The following MAP1B variants were observed in gnomAD, a reference collection of about 807,000 sequenced individuals.
MAP1B encodes the protein microtubule-associated protein 1B.
Under a neutral mutation model 176.1 loss-of-function variants are expected in MAP1B, and 12 were observed. That is an observed-to-expected ratio of 0.07 (90% CI 0.04 to 0.11). MAP1B has a LOEUF of 0.11. MAP1B is among the 10% of genes least tolerant of loss of function. The pLI, the probability that MAP1B is intolerant of heterozygous loss-of-function variation, is 1.00. For synonymous variants in MAP1B, 1,044 were observed against 1,135.0 expected, an observed-to-expected ratio of 0.92 and a Z score of 1.61; for missense variants, 2,523 against 2,990.5, an observed-to-expected ratio of 0.84 and a Z score of 3.65.
chr5:72,197,165 C>G lies in MAP1B; in HGVS notation c.3810C>G (p.Thr1270=), dbSNP rs79516161. 2.0e-5 allele frequency: 33 copies of G among 1,614,004 alleles called. 1 individual carries two copies. Among genetic ancestry groups the G allele is most frequent in the Non-Finnish European group, 2.5e-5 (29 of 1,180,002 alleles). Reference sequence around the variant, plus strand: ...CTCCACCATCACCCTTAGAAAAGACCCCCCTGGGTGAACGTAGTGTGAACT... The same window carrying G: ...CTCCACCATCACCCTTAGAAAAGACGCCCCTGGGTGAACGTAGTGTGAACT... ...SPSPPSPLEK[T]PLGERSVNFS... is the part of the protein sequence containing the mutation. The change falls in exon 5 of 7, where the codon ACC becomes ACG. Residue 1270 remains threonine (T), a synonymous_variant. Transcript: ENST00000296755.
At chr5:72,189,733 A>T (rs2112224111) in intron 4 of MAP1B, among the ~76,000 whole-genome samples, 1 of 152,190 alleles carries the variant, frequency 6.6e-6, no homozygotes, top group East Asian at 1.9e-4. Flanking sequence ...TAAAAAAATA[A>T]AATAAAAAGA....
At position 72,197,430 on chromosome 5, in the gene MAP1B, G is replaced by C; in HGVS notation, c.4075G>C (p.Val1359Leu). ...PTEVIEKPPA[V>L]PVSFEFSDAK... ...AGAAGTCATTGAAAAACCACCAGCA[G>C]TTCCAGTGAGTTTTGAATTCAGTGA... Residue 1359 changes from valine to leucine, a missense_variant, in exon 5 of 7, where the codon GTT (valine) becomes CTT (leucine). Physicochemically the swap from Val to Leu is conservative, Grantham distance 32. Around this residue, in one of 4 missense-constraint regions of MAP1B, gnomAD observed 1,925 missense variants for 2,126.0 expected, o/e 0.91. Coordinates refer to ENST00000296755, the MANE Select transcript of MAP1B (RefSeq NM_005909.5). 6.2e-7 allele frequency: 1 copy of C among 1,614,220 alleles called. No individual in the cohort carries two copies. Among genetic ancestry groups the C allele is most frequent in the Non-Finnish European group, 8.5e-7 (1 of 1,180,048 alleles).
intron 2 of MAP1B, among the ~76,000 whole-genome samples, chr5:72,155,582 C>T (rs1746213096): frequency 6.6e-6 from 1 of 152,172 alleles, no homozygotes; most frequent in African/African-American, 2.4e-5. Context: ...TGGAGCCTGT[C>T]TACACCATGT....
intron 3 of MAP1B, among the ~76,000 whole-genome samples, chr5:72,184,557 G>C (rs1175902030): frequency 6.6e-6 from 1 of 152,208 alleles, no homozygotes; most frequent in African/African-American, 2.4e-5. Context: ...ATATGAAACT[G>C]TTGCTATGGA....
At position 72,196,550 on chromosome 5, in the gene MAP1B, C is replaced by T. The variant is rs549714866; in HGVS notation, c.3195C>T (p.Leu1065=). Residue 1065 remains leucine, a synonymous_variant, in exon 5 of 7, where the codon CTC becomes CTT. Transcript: ENST00000296755. This position sits in a 1 kb window ranked among gnomAD's most constrained non-coding sequence, Gnocchi z 5.3. Reference sequence around the variant, plus strand: ...GTGCCGAGGAGCAGTATGGATTCCTCACCACACCAACCAAGCAACTAGGAG... The same window carrying T: ...GTGCCGAGGAGCAGTATGGATTCCTTACCACACCAACCAAGCAACTAGGAG... ...AGGAEEQYGF[L]TTPTKQLGAQ... The T allele has an allele frequency of 4.3e-6, 7 of 1,613,752 alleles. No homozygotes were observed. Among genetic ancestry groups the T allele is most frequent in the African/African-American group, 1.3e-5 (1 of 75,054 alleles).
At chr5:72,145,782 G>A (rs1325292374) in intron 2 of MAP1B, among the ~76,000 whole-genome samples, 1 of 152,178 alleles carries the variant, frequency 6.6e-6, no homozygotes, top group Non-Finnish European at 1.5e-5. Context: ...TCACTTGGAG[G>A]TTCTTGCTCT....
At chr5:72,193,209 AGG>A in intron 4 of MAP1B, 1 of 371,582 alleles carries the variant, frequency 2.7e-6, no homozygotes, top group Non-Finnish European at 5.3e-6. Flanking sequence ...TTGTAGTAAT[AGG>A]CAATCCGTAA....
intron 2 of MAP1B, among the ~76,000 whole-genome samples, chr5:72,163,930 CT>C (rs869167918): frequency 0.024 from 1,071 of 43,770 alleles, 6 homozygotes; most frequent in East Asian, 0.077. Flanking sequence ...TTTTTTTTTT[CT>C]TTTTTTTTTT....
At chr5:72,180,423 A>T (rs1379034272) in intron 2 of MAP1B, among the ~76,000 whole-genome samples, 3 of 152,196 alleles carry the variant, frequency 2.0e-5, no homozygotes, top group Admixed American at 1.3e-4. Flanking sequence ...AAGACCACTG[A>T]TGGAAAGACC....
chr5:72,116,049 C>T (rs1531314), intron 2 of MAP1B: 248,773 of 376,926 alleles, frequency 0.66, 82,876 homozygotes, highest in Middle Eastern at 0.72. Flanking sequence ...TATATATATA[C>T]ACACACACAC....
In MAP1B at chr5:72,206,792, T is replaced by C. The variant is rs527708657; in HGVS notation, c.*1553T>C. The stretch of plus-strand genomic sequence containing the variant: ...TCTGATATTGCAGTAATGATATTTA[T>C]TAAAAACCCATAACTACCAGGAATA... On this transcript the variant is annotated 3_prime_UTR_variant, in exon 7 of 7. Coordinates refer to ENST00000296755, the MANE Select transcript of MAP1B (RefSeq NM_005909.5). 5.5e-4 allele frequency: 84 copies of C among 152,252 alleles called. 1 individual carries two copies. The highest frequency in any genetic ancestry group is 1.9e-3 in the African/African-American group (78 of 41,530). 9.4% of individuals were successfully genotyped at this position (152,252 alleles called of 1,614,324 possible).
rs533883122 is a variant in MAP1B at position 72,186,020 on chromosome 5, C to A, written c.370-594C>A. Among the ~76,000 whole-genome samples the A allele has an allele frequency of 2.0e-5, 3 of 152,308 alleles. No homozygotes were observed. In the South Asian group the frequency reaches 6.2e-4, roughly 32 times the overall value. ...TCAAAGATTGCTATTTAGGGGCAGC[C>A]TTTTCTTTATATTCAATGTCAAGCA... is the stretch of plus-strand genomic sequence containing the variant. On this transcript the variant is annotated intron_variant, in intron 3 of 6. Coordinates refer to ENST00000296755, the MANE Select transcript of MAP1B (RefSeq NM_005909.5). The surrounding 1 kb of genome is among the most constrained non-coding windows in gnomAD (Gnocchi z 4.3).
At chr5:72,142,424 C>G (rs1292612776) in intron 2 of MAP1B, among the ~76,000 whole-genome samples, 1 of 152,156 alleles carries the variant, frequency 6.6e-6, no homozygotes, top group Non-Finnish European at 1.5e-5. Flanking sequence ...TGGTTTAACA[C>G]AGTGAAGACC....
intron 2 of MAP1B, among the ~76,000 whole-genome samples, chr5:72,130,673 T>C (rs1471380793): frequency 6.6e-6 from 1 of 152,196 alleles, no homozygotes; most frequent in Non-Finnish European, 1.5e-5. Flanking sequence ...TTGAACTCCA[T>C]GGACAGAGCA....
chr5:72,152,095 C>G (rs965584706), intron 2 of MAP1B, among the ~76,000 whole-genome samples: 1 of 152,154 alleles, frequency 6.6e-6, no homozygotes, highest in African/African-American at 2.4e-5. Flanking sequence ...GTCCTTTTAC[C>G]ATGCCATGAT....
chr5:72,162,696 C>T (rs1280119605), intron 2 of MAP1B, among the ~76,000 whole-genome samples: 5 of 152,048 alleles, frequency 3.3e-5, no homozygotes, highest in Non-Finnish European at 7.4e-5. Context: ...TGTGCGGGAC[C>T]CAACATAGTA....
intron 2 of MAP1B, among the ~76,000 whole-genome samples, chr5:72,137,721 T>C (rs1055598544): frequency 2.6e-5 from 4 of 152,204 alleles, no homozygotes; most frequent in African/African-American, 9.6e-5. Context: ...TTTGAGATGA[T>C]TCAGAACTAT....
intron 2 of MAP1B, among the ~76,000 whole-genome samples, chr5:72,135,918 A>G (rs1745830900): frequency 6.6e-6 from 1 of 152,218 alleles, no homozygotes; most frequent in South Asian, 2.1e-4. Flanking sequence ...AATTTGGAAT[A>G]ACACTGGGTT....
chr5:72,108,580 G>A (rs1745196637), intron 1 of MAP1B, among the ~76,000 whole-genome samples: 3 of 152,340 alleles, frequency 2.0e-5, no homozygotes, highest in Admixed American at 2.0e-4. Flanking sequence ...GGGACCCTGG[G>A]CGGGGCCGTG....
Sources: allele counts gnomAD v4.1 joint callset (sites outside exome capture counted in the v4.1 genomes callset), GRCh38; gene constraint gnomAD v4.1.1; regional missense constraint gnomAD v4.1.1; non-coding constraint Gnocchi (gnomAD v3.1); transcripts MANE v1.5; gene names NCBI Gene and HGNC (gene_info 2026-07-23, HGNC 2026-07-21).